The following OSBPL11 variants were observed in gnomAD, a reference collection of about 807,000 sequenced individuals.
OSBPL11 encodes oxysterol-binding protein-related protein 11.
In OSBPL11, 33 loss-of-function variants were observed where a neutral mutation model predicts 84.4. The ratio of observed to expected loss-of-function variants is 0.39; its 90% confidence interval spans 0.30 to 0.52. The LOEUF (loss-of-function observed/expected upper bound fraction) is 0.52, where lower values mean the gene tolerates loss of function less well. Ranked by LOEUF, OSBPL11 falls within the 20% of genes least tolerant of loss-of-function variation. OSBPL11 has a pLI of 0.72. For synonymous variants in OSBPL11, 276 were observed against 310.2 expected, an observed-to-expected ratio of 0.89 and a Z score of 1.16; for missense variants, 736 against 901.1, an observed-to-expected ratio of 0.82 and a Z score of 2.35.
intron 9 of OSBPL11, among the ~76,000 whole-genome samples, chr3:125,549,939 C>A (rs756626442): frequency 6.6e-5 from 10 of 152,086 alleles, no homozygotes; most frequent in African/African-American, 1.7e-4. Context: ...ACATTTATGA[C>A]CTTAGACATG....
intron 12 of OSBPL11, among the ~76,000 whole-genome samples, chr3:125,530,948 C>T (rs1935546017): frequency 6.6e-6 from 1 of 151,998 alleles, no homozygotes; most frequent in East Asian, 1.9e-4. Flanking sequence ...TTCTCCCTGT[C>T]TCCACTGGCA....
At chr3:125,584,629 C>G (rs1936479897) in intron 1 of OSBPL11, among the ~76,000 whole-genome samples, 3 of 152,312 alleles carry the variant, frequency 2.0e-5, no homozygotes, top group South Asian at 4.1e-4. Flanking sequence ...TAAAAAATAT[C>G]ACAACTGAGT....
intron 4 of OSBPL11, among the ~76,000 whole-genome samples, chr3:125,577,931 A>G (rs910269726): frequency 2.6e-5 from 4 of 152,236 alleles, no homozygotes; most frequent in African/African-American, 9.6e-5. Context: ...GCAGTTCCTC[A>G]AAATGTTAAA....
chr3:125,551,598 C>T (rs1935908544), intron 9 of OSBPL11, among the ~76,000 whole-genome samples: 2 of 151,882 alleles, frequency 1.3e-5, no homozygotes, highest in Admixed American at 6.6e-5. Flanking sequence ...GTGAAACCCC[C>T]CATCTCTACT....
intron 8 of OSBPL11, among the ~76,000 whole-genome samples, chr3:125,556,369 C>G (rs779939329): frequency 8.5e-5 from 13 of 152,182 alleles, no homozygotes; most frequent in Non-Finnish European, 1.6e-4. Context: ...GTCTCCTCTC[C>G]ATGTTCTGCT....
chr3:125,547,583 C>G lies in OSBPL11; in HGVS notation c.1664G>C (p.Ser555Thr). 6.3e-7 allele frequency: 1 copy of G among 1,595,806 alleles called. No homozygotes were observed. Among genetic ancestry groups the G allele is most frequent in the African/African-American group, 1.3e-5 (1 of 74,336 alleles). ...GTACTCTTCTCCATGCTCCAACAGA[C>G]TAAGGATACCTGAATGTGAAAACAT... is the stretch of plus-strand genomic sequence containing the variant. ...GVTMVGEGIL[S>T]LLEHGEEYTF... Residue 555 changes from serine (S) to threonine (T), a missense_variant, in exon 10 of 13, where the codon AGT (serine) becomes ACT (threonine). By Grantham distance (58) the Ser-to-Thr change is moderately conservative. This residue lies in a region of OSBPL11 where 579 missense variants were observed against 717.6 expected (regional missense o/e 0.81). Transcript: ENST00000296220.
chr3:125,580,876 G>A (rs1936413858), intron 2 of OSBPL11, among the ~76,000 whole-genome samples: 1 of 152,100 alleles, frequency 6.6e-6, no homozygotes, highest in African/African-American at 2.4e-5. Flanking sequence ...CATTAAATAA[G>A]TCAAAACTAA....
In OSBPL11 at chr3:125,547,265, A is replaced by C. The variant is rs1349965643; in HGVS notation, c.1841+141T>G. On this transcript the variant is annotated intron_variant, in intron 10 of 12. Transcript: ENST00000296220. ...CAGAGCATGACTTTCAGAATGCTTTAAAGATGAAATATTTTAAATAAGAAA... is the reference window on the plus strand; with the variant it reads ...CAGAGCATGACTTTCAGAATGCTTTCAAGATGAAATATTTTAAATAAGAAA... 8.8e-5 allele frequency: 64 copies of C among 723,754 alleles called. 1 individual carries two copies. The Middle Eastern group carries it at 1.2e-3, about 13-fold the overall frequency. 44.8% of individuals were successfully genotyped at this position (723,754 alleles called of 1,614,324 possible). A position where few individuals can be genotyped will look rare whatever the true frequency, so the allele number is the denominator to read the frequency against.
chr3:125,569,586 T>C (rs1291808088), intron 5 of OSBPL11, among the ~76,000 whole-genome samples: 2 of 152,192 alleles, frequency 1.3e-5, no homozygotes. Flanking sequence ...CAATATCTAC[T>C]AGACATAAGT....
chr3:125,594,629 G>C lies in OSBPL11; in HGVS notation c.164+8C>G. The C allele has an allele frequency of 6.2e-7, 1 of 1,612,224 alleles. No homozygotes were observed. Among genetic ancestry groups the C allele is most frequent in the Non-Finnish European group, 8.5e-7 (1 of 1,179,564 alleles). The stretch of plus-strand genomic sequence containing the variant: ...CCTCGGGAAATAATTTTGGAGAAAG[G>C]AGCATACCTGTACTGCCAGCCTTTT... On this transcript the variant is annotated splice_region_variant and intron_variant, in intron 1 of 12. Coordinates refer to ENST00000296220, the MANE Select transcript of OSBPL11 (RefSeq NM_022776.5).
At chr3:125,584,376 A>T (rs1164042288) in intron 1 of OSBPL11, among the ~76,000 whole-genome samples, 2 of 152,172 alleles carry the variant, frequency 1.3e-5, no homozygotes, top group East Asian at 3.8e-4. Flanking sequence ...AAACAAAAAC[A>T]AAAATAAAAA....
At chr3:125,575,286 T>C (rs565735790) in intron 5 of OSBPL11, among the ~76,000 whole-genome samples, 1 of 152,268 alleles carries the variant, frequency 6.6e-6, no homozygotes, top group East Asian at 1.9e-4. Context: ...AATGGTGATA[T>C]AAGGCAACAT....
rs889648900 is a variant in OSBPL11, at chr3:125,529,164, C to A, written c.*1351G>T. ...TGATAAACAACAGGTATGTTACACA[C>A]ACTGATTGGAAGACCATATCAGAAA... is the stretch of plus-strand genomic sequence containing the variant. On this transcript the variant is annotated 3_prime_UTR_variant, in exon 13 of 13. Transcript: ENST00000296220. 6.6e-6 allele frequency: 1 copy of A among 152,582 alleles called. No individual in the cohort carries two copies. Among genetic ancestry groups the A allele is most frequent in the African/African-American group, 2.4e-5 (1 of 41,422 alleles). 9.5% of individuals were successfully genotyped at this position (152,582 alleles called of 1,614,324 possible). A position where few individuals can be genotyped will look rare whatever the true frequency, so the allele number is the denominator to read the frequency against.
chr3:125,570,242 G>A (rs1218204954), intron 5 of OSBPL11, among the ~76,000 whole-genome samples: 3 of 149,804 alleles, frequency 2.0e-5, no homozygotes, highest in Non-Finnish European at 3.0e-5. Flanking sequence ...AAATATAATT[G>A]TATCTTTGGG....
At chr3:125,547,179 C>T (rs1035554528) in intron 10 of OSBPL11, among the ~76,000 whole-genome samples, 3 of 152,168 alleles carry the variant, frequency 2.0e-5, no homozygotes, top group Non-Finnish European at 4.4e-5. Flanking sequence ...ATAAAGCTCA[C>T]TAGTTACTTC....
chr3:125,559,888 G>T (rs1245632414), intron 8 of OSBPL11, among the ~76,000 whole-genome samples: 1 of 150,054 alleles, frequency 6.7e-6, no homozygotes, highest in Admixed American at 6.6e-5. Flanking sequence ...GCCTGGCCAA[G>T]AAAGCCATTT....
chr3:125,560,181 A>T (rs1304680970), intron 8 of OSBPL11, among the ~76,000 whole-genome samples, 198 bp downstream of exon 8: 3 of 152,190 alleles, frequency 2.0e-5, no homozygotes, highest in African/African-American at 7.2e-5. Context: ...GAATTGCCTG[A>T]ACCCAGGAAG....
rs184244203 is a variant in OSBPL11, at chr3:125,576,411, A to C, written c.490-46T>G. 8.1e-5 allele frequency: 119 copies of C among 1,463,126 alleles called. No homozygotes were observed. In the African/African-American group the frequency reaches 1.5e-3, roughly 18 times the overall value. The allele number at this position is 1,463,126 out of a possible 1,614,324, so 90.6% of individuals were successfully genotyped here. ...TTCCTTTTGTTTTCTTCTTTAATTT[A>C]GGATTTCTAACCATCAAACTACCAT... On this transcript the variant is annotated intron_variant, in intron 4 of 12. Coordinates refer to ENST00000296220, the MANE Select transcript of OSBPL11 (RefSeq NM_022776.5).
At position 125,576,416 on chromosome 3, in the gene OSBPL11, T is replaced by C. The variant is rs781064580; in HGVS notation, c.490-51A>G. ...TTTGTTTTCTTCTTTAATTTAGGAT[T>C]TCTAACCATCAAACTACCATACACT... On this transcript the variant is annotated intron_variant, in intron 4 of 12. Transcript: ENST00000296220. The C allele has an allele frequency of 6.3e-6, 9 of 1,435,368 alleles. No homozygotes were observed. The African/African-American group carries it at 1.3e-4, about 21-fold the overall frequency. 88.9% of individuals were successfully genotyped at this position (1,435,368 alleles called of 1,614,324 possible).
Sources: allele counts gnomAD v4.1 joint callset (sites outside exome capture counted in the v4.1 genomes callset), GRCh38; gene constraint gnomAD v4.1.1; regional missense constraint gnomAD v4.1.1; transcripts MANE v1.5; gene names NCBI Gene and HGNC (gene_info 2026-07-23, HGNC 2026-07-21).